RPH3A: variants seen among roughly 807,000 people sequenced by gnomAD.
RPH3A encodes the protein rabphilin 3A, also known as rabphilin-3A.
RPH3A carries 48 observed loss-of-function variants against 102.2 expected under a neutral mutation model. The ratio of observed to expected loss-of-function variants is 0.47; its 90% CI spans 0.37 to 0.60. The LOEUF (loss-of-function observed/expected upper bound fraction) is 0.60, where lower values mean the gene tolerates loss of function less well. Among genes scored for constraint, RPH3A ranks in the 20% least tolerant of loss-of-function variants. The probability of loss-of-function intolerance (pLI) is 0.00; values close to 1 mark genes in which losing one functional copy is unlikely to be tolerated. For missense variants in RPH3A, 781 were observed against 910.1 expected, an observed-to-expected ratio of 0.86 and a Z score of 1.83; for synonymous variants, 310 against 324.3, an observed-to-expected ratio of 0.96 and a Z score of 0.47.
intron 1 of RPH3A, among the ~76,000 whole-genome samples, chr12:112,786,184 G>A (rs10492022): frequency 0.071 from 10,849 of 152,046 alleles, 718 homozygotes; most frequent in African/African-American, 0.18. Flanking sequence ...GCCTTGCCTG[G>A]TAACGTGGAA....
At chr12:112,782,882 C>T (rs1412628689) in intron 1 of RPH3A, among the ~76,000 whole-genome samples, 3 of 152,296 alleles carry the variant, frequency 2.0e-5, no homozygotes, top group South Asian at 2.1e-4. Context: ...CATCTCTGCA[C>T]GTACATCTAA....
intron 1 of RPH3A, among the ~76,000 whole-genome samples, chr12:112,627,796 T>G (rs2039776750): frequency 6.6e-6 from 1 of 152,136 alleles, no homozygotes; most frequent in Non-Finnish European, 1.5e-5. Flanking sequence ...GGCATATTAG[T>G]CCATTCTCAC....
intron 1 of RPH3A, among the ~76,000 whole-genome samples, chr12:112,729,868 T>C (rs1166061382): frequency 6.6e-6 from 1 of 152,216 alleles, no homozygotes; most frequent in Non-Finnish European, 1.5e-5. Context: ...TAACCCCTAA[T>C]ACCTCAGAGT....
At chr12:112,639,663 C>T (rs1035699073) in intron 1 of RPH3A, among the ~76,000 whole-genome samples, 4 of 152,046 alleles carry the variant, frequency 2.6e-5, no homozygotes, top group African/African-American at 7.2e-5. Flanking sequence ...AGGGAGCCCC[C>T]CTCCCCCCAC....
At chr12:112,726,008 G>A (rs954922384) in intron 1 of RPH3A, among the ~76,000 whole-genome samples, 1 of 151,928 alleles carries the variant, frequency 6.6e-6, no homozygotes, top group Non-Finnish European at 1.5e-5. Context: ...TGTAAGCCAG[G>A]ATGGTCTCGA....
At chr12:112,790,554 C>T (rs1772515501), upstream of RPH3A, among the ~76,000 whole-genome samples, 1 of 152,168 alleles carries the variant, frequency 6.6e-6, no homozygotes, top group Admixed American at 6.5e-5. Context: ...AGATCTTGGT[C>T]TGTTTGAGAT....
intron 10 of RPH3A, chr12:112,874,788 A>T: frequency 2.7e-6 from 1 of 369,296 alleles, no homozygotes; most frequent in South Asian, 4.5e-5. Context: ...ATACCAGGTG[A>T]GGAAACTGAG....
intron 1 of RPH3A, among the ~76,000 whole-genome samples, chr12:112,717,145 T>C (rs1457251225): frequency 3.3e-5 from 5 of 152,220 alleles, no homozygotes; most frequent in African/African-American, 1.2e-4. Flanking sequence ...ATTGAAGGGC[T>C]AATCTCAATT....
intron 1 of RPH3A, among the ~76,000 whole-genome samples, chr12:112,607,108 A>C (rs2039602401): frequency 6.6e-6 from 1 of 152,218 alleles, no homozygotes; most frequent in Non-Finnish European, 1.5e-5. Flanking sequence ...ACACACTGCT[A>C]CTTATAGATG....
At chr12:112,809,753 C>A (rs2041536190) in intron 2 of RPH3A, among the ~76,000 whole-genome samples, 1 of 152,170 alleles carries the variant, frequency 6.6e-6, no homozygotes, top group Non-Finnish European at 1.5e-5. Flanking sequence ...CCAGGACTAG[C>A]CCCTGTGACA....
intron 1 of RPH3A, among the ~76,000 whole-genome samples, chr12:112,777,334 C>A (rs1018825429): frequency 6.6e-6 from 1 of 152,192 alleles, no homozygotes; most frequent in African/African-American, 2.4e-5. Context: ...CTGCTCAATG[C>A]AGTTCAGAGG....
chr12:112,849,408 AGTGT>A (rs35635799), intron 5 of RPH3A, among the ~76,000 whole-genome samples: 13,908 of 146,758 alleles, frequency 0.095, 895 homozygotes, highest in Admixed American at 0.17. Flanking sequence ...CCAGACTGGC[AGTGT>A]GTGTGTGTGT....
chr12:112,730,364 ATCAG>A (rs1293882351), intron 1 of RPH3A, among the ~76,000 whole-genome samples: 1 of 152,218 alleles, frequency 6.6e-6, no homozygotes, highest in Admixed American at 6.5e-5. Flanking sequence ...TGTTAGCCCC[ATCAG>A]GGGTAGCCTC....
In RPH3A at chr12:112,745,047, T is replaced by A. The variant is rs574605810; in HGVS notation, c.-139-47096T>A. The stretch of plus-strand genomic sequence containing the variant: ...CAAGATCTAATCCAGGATTGTGCAT[T>A]GTATTGAGTTGTCATGTCTTCTTAA... On this transcript the variant is annotated intron_variant, in intron 1 of 21. Coordinates refer to the RPH3A transcript ENST00000543106. Among the ~76,000 whole-genome samples, 57 of 152,336 alleles carry A rather than the reference T, an allele frequency of 3.7e-4. 1 individual carries two copies. Among genetic ancestry groups the A allele is most frequent in the African/African-American group, 1.3e-3 (56 of 41,582 alleles).
chr12:112,727,493 A>ACACACACCCAGCC (rs1284810799), intron 1 of RPH3A, among the ~76,000 whole-genome samples: 1 of 41,624 alleles, frequency 2.4e-5, no homozygotes, highest in South Asian at 1.1e-3. Context: ...ACACACACAG[A>ACACACACCCAGCC]CCCCCCCCCC....
chr12:112,608,379 G>T (rs1592904614), intron 1 of RPH3A, among the ~76,000 whole-genome samples: 2 of 152,142 alleles, frequency 1.3e-5, no homozygotes, highest in Non-Finnish European at 1.5e-5. Context: ...GTCTCCCAAA[G>T]TGCTGGGATT....
intron 1 of RPH3A, among the ~76,000 whole-genome samples, chr12:112,751,729 A>C (rs1408654202): frequency 6.6e-6 from 1 of 152,184 alleles, no homozygotes; most frequent in Non-Finnish European, 1.5e-5. Context: ...CAGCCTAGGC[A>C]ACATAGGAAG....
chr12:112,875,789 C>T, intron 12 of RPH3A, 48 bp downstream of exon 12: 1 of 1,555,682 alleles, frequency 6.4e-7, no homozygotes, highest in Non-Finnish European at 8.9e-7. Context: ...CACCTCTCCC[C>T]TACCTCCCTG....
intron 1 of RPH3A, among the ~76,000 whole-genome samples, chr12:112,621,577 A>G (rs982125633): frequency 2.7e-5 from 4 of 148,824 alleles, no homozygotes; most frequent in African/African-American, 1.0e-4. Flanking sequence ...AGTCTCTCTG[A>G]TTGCTAGCAC....
Sources: allele counts gnomAD v4.1 joint callset (sites outside exome capture counted in the v4.1 genomes callset), GRCh38; gene constraint gnomAD v4.1.1; transcripts MANE v1.5; gene names NCBI Gene and HGNC (gene_info 2026-07-23, HGNC 2026-07-21).